TBC1D1: variants seen among roughly 807,000 people sequenced by gnomAD.
The protein encoded by TBC1D1 is TBC1 domain family member 1.
Under a neutral mutation model 125.6 loss-of-function variants are expected in TBC1D1, and 89 were observed. The ratio of observed to expected loss-of-function variants is 0.71; its 90% CI spans 0.60 to 0.85. The LOEUF is 0.85. Ranked by LOEUF, TBC1D1 falls within the 40% of genes least tolerant of loss-of-function variation. The probability of loss-of-function intolerance (pLI) is 0.00; values close to 1 mark genes in which losing one functional copy is unlikely to be tolerated. For missense variants in TBC1D1, 1,377 were observed against 1,469.2 expected (o/e 0.94, Z 1.03); for synonymous variants, 565 against 564.1 (o/e 1.00, Z -0.02).
At chr4:37,910,013 C>T (rs976999814) in intron 2 of TBC1D1, among the ~76,000 whole-genome samples, 4 of 152,190 alleles carry the variant, frequency 2.6e-5, no homozygotes, top group Non-Finnish European at 5.9e-5. Flanking sequence ...GGGTTCTTAA[C>T]ACCAGATTGA....
chr4:38,071,720 C>T (rs1000960011), intron 12 of TBC1D1, among the ~76,000 whole-genome samples: 1 of 152,166 alleles, frequency 6.6e-6, no homozygotes, highest in Non-Finnish European at 1.5e-5. Context: ...TCTCAGATGG[C>T]AGGGTGAAAA....
chr4:38,069,041 T>G (rs1034902422), intron 12 of TBC1D1, among the ~76,000 whole-genome samples: 3 of 152,218 alleles, frequency 2.0e-5, no homozygotes, highest in African/African-American at 7.2e-5. Context: ...GTAAAAGCTA[T>G]TGAGCCCAGT....
At chr4:38,021,179 C>T (rs984797362) in intron 5 of TBC1D1, among the ~76,000 whole-genome samples, 14 of 152,300 alleles carry the variant, frequency 9.2e-5, no homozygotes, top group African/African-American at 2.9e-4. Flanking sequence ...GGCAGGGCAG[C>T]GTGTGCAGGG....
intron 12 of TBC1D1, among the ~76,000 whole-genome samples, chr4:38,089,293 A>C (rs976421347): frequency 6.6e-6 from 1 of 152,224 alleles, no homozygotes; most frequent in Non-Finnish European, 1.5e-5. Flanking sequence ...TGCCCAGCGC[A>C]GTGCCCAGCA....
intron 12 of TBC1D1, among the ~76,000 whole-genome samples, chr4:38,074,740 T>C (rs968787335): frequency 6.6e-6 from 1 of 151,644 alleles, no homozygotes; most frequent in African/African-American, 2.4e-5. Flanking sequence ...TTATGGTCAG[T>C]AGAGACTTTC....
chr4:38,083,101 G>A (rs181031590), intron 12 of TBC1D1, among the ~76,000 whole-genome samples: 22 of 151,988 alleles, frequency 1.4e-4, no homozygotes, highest in East Asian at 5.8e-4. Flanking sequence ...GCTCTTTTTC[G>A]AGCCCTTCTT....
At chr4:38,053,080 A>C (rs1751042283) in intron 11 of TBC1D1, 26 bp from the exon 13 acceptor site, 3 of 1,380,736 alleles carry the variant, frequency 2.2e-6, no homozygotes, top group Middle Eastern at 1.9e-4. Flanking sequence ...CTTTATCCTA[A>C]ACTCTTTTTT....
intron 2 of TBC1D1, among the ~76,000 whole-genome samples, chr4:37,984,182 G>A (rs1734961203): frequency 6.6e-6 from 1 of 152,052 alleles, no homozygotes; most frequent in East Asian, 1.9e-4. Flanking sequence ...CATCTTGGTT[G>A]CTTCCAAGTT....
intron 11 of TBC1D1, among the ~76,000 whole-genome samples, chr4:38,052,407 C>G (rs1013675685): frequency 6.6e-5 from 10 of 151,400 alleles, no homozygotes; most frequent in African/African-American, 2.4e-4. Flanking sequence ...TCTCGGCTCA[C>G]TGCAGCTTCT....
In TBC1D1 at chr4:38,049,832, C is replaced by A. The variant is rs779472976; in HGVS notation, c.1844C>A (p.Pro615Gln). The change falls in exon 11 of 20, where the codon CCG becomes CAG. Residue 615 changes from proline to glutamine, a missense_variant. By Grantham distance (76) the Pro-to-Gln change is moderately conservative (BLOSUM62 -1). This residue lies in a region of TBC1D1 where 822 missense variants were observed against 824.6 expected (regional missense o/e 1.00). Coordinates refer to ENST00000261439, the MANE Select transcript of TBC1D1 (RefSeq NM_015173.4). The stretch of plus-strand genomic sequence containing the variant: ...CCTCCACAACCTGCCCGGGGGTCCC[C>A]GGGGGTTTCGCAAAGGAAACTTATG... The A allele has an allele frequency of 2.5e-6, 4 of 1,614,070 alleles. No homozygotes were observed. In the South Asian group the frequency reaches 4.4e-5, roughly 18 times the overall value.
At chr4:38,065,442 G>GTCC (rs964649442) in intron 12 of TBC1D1, among the ~76,000 whole-genome samples, 1 of 152,190 alleles carries the variant, frequency 6.6e-6, no homozygotes, top group African/African-American at 2.4e-5. Context: ...TTCCAAAAAA[G>GTCC]TCCTGAGTGA....
chr4:38,076,533 C>T (rs958706212), intron 12 of TBC1D1, among the ~76,000 whole-genome samples: 13 of 152,244 alleles, frequency 8.5e-5, no homozygotes, highest in African/African-American at 3.1e-4. Context: ...ATCTGCATCC[C>T]ATTGATGTCT....
At chr4:37,923,217 G>A (rs1721391406) in intron 2 of TBC1D1, among the ~76,000 whole-genome samples, 1 of 151,954 alleles carries the variant, frequency 6.6e-6, no homozygotes, top group Non-Finnish European at 1.5e-5. Flanking sequence ...TTTGTTTTCT[G>A]TTCCTGTGTA....
At chr4:37,924,483 C>A (rs535848315) in intron 2 of TBC1D1, among the ~76,000 whole-genome samples, 2 of 152,122 alleles carry the variant, frequency 1.3e-5, no homozygotes, top group Admixed American at 6.5e-5. Flanking sequence ...ATTTCCAGAA[C>A]TTTTTCATCA....
chr4:38,101,986 C>T (rs181955406), intron 14 of TBC1D1, among the ~76,000 whole-genome samples: 126 of 151,280 alleles, frequency 8.3e-4, no homozygotes, highest in Non-Finnish European at 1.4e-3. Flanking sequence ...AGCAAACTGT[C>T]GCAAGGACAG....
intron 8 of TBC1D1, among the ~76,000 whole-genome samples, chr4:38,042,223 A>AATG (rs1356390672): frequency 6.6e-6 from 1 of 151,988 alleles, no homozygotes; most frequent in East Asian, 1.9e-4. Context: ...AATAGTCATG[A>AATG]TATCTGATGT....
At chr4:37,926,406 G>A (rs758637831) in intron 2 of TBC1D1, among the ~76,000 whole-genome samples, 2 of 152,176 alleles carry the variant, frequency 1.3e-5, no homozygotes, top group Non-Finnish European at 2.9e-5. Context: ...TGTGAAAGGA[G>A]GTGGCCTTGC....
chr4:37,918,653 T>G (rs576175786), intron 2 of TBC1D1, among the ~76,000 whole-genome samples: 3 of 152,228 alleles, frequency 2.0e-5, no homozygotes, highest in East Asian at 1.9e-4. Flanking sequence ...TCACCATGTT[T>G]GCCAGGCTGG....
At position 38,013,793 on chromosome 4, in the gene TBC1D1, A is replaced by G. The variant is rs777774199; in HGVS notation, c.418-716A>G. 3.7e-4 allele frequency among the ~76,000 whole-genome samples: 56 copies of G among 152,196 alleles called. 1 individual carries two copies. The highest frequency in any genetic ancestry group is 4.1e-4 in the Non-Finnish European group (28 of 68,034). The stretch of plus-strand genomic sequence containing the variant: ...TTCAGCATTAGAAACCAAAAGCTTT[A>G]TAGTCTCCATGTGAAGAATCCCTGG... On this transcript the variant is annotated intron_variant, in intron 2 of 19. Coordinates refer to ENST00000261439, the MANE Select transcript of TBC1D1 (RefSeq NM_015173.4).
Sources: allele counts gnomAD v4.1 joint callset (sites outside exome capture counted in the v4.1 genomes callset), GRCh38; gene constraint gnomAD v4.1.1; regional missense constraint gnomAD v4.1.1; transcripts MANE v1.5; gene names NCBI Gene and HGNC (gene_info 2026-07-23, HGNC 2026-07-21).